Variants in PCDH9 observed in about 807,000 individuals in gnomAD.
PCDH9 encodes the protein protocadherin-9.
Under a neutral mutation model 70.6 loss-of-function variants are expected in PCDH9, and 24 were observed. That is an observed-to-expected ratio of 0.34 (90% CI 0.25 to 0.48). The LOEUF (loss-of-function observed/expected upper bound fraction) is 0.48, where lower values mean the gene tolerates loss of function less well. PCDH9 is among the 20% of genes least tolerant of loss of function. The pLI is 0.99. For missense variants in PCDH9, 1,281 were observed against 1,503.6 expected (o/e 0.85, Z 2.45); for synonymous variants, 562 against 558.5 (o/e 1.01, Z -0.09).
At chr13:66,619,876 C>A (rs2077401982) in intron 4 of PCDH9, among the ~76,000 whole-genome samples, 1 of 152,252 alleles carries the variant, frequency 6.6e-6, no homozygotes. Context: ...GCAGTGATTT[C>A]TTTCTTAACC....
chr13:66,823,518 G>A (rs984469278), intron 3 of PCDH9, among the ~76,000 whole-genome samples: 5 of 151,952 alleles, frequency 3.3e-5, no homozygotes. Context: ...TGAACATGCA[G>A]GCAAAAATAG....
At chr13:66,587,106 G>A (rs966219009) in intron 4 of PCDH9, among the ~76,000 whole-genome samples, 2 of 151,924 alleles carry the variant, frequency 1.3e-5, no homozygotes, top group African/African-American at 4.8e-5. Context: ...GACGAGCCTG[G>A]GCAACATAGT....
At chr13:66,599,935 A>C (rs915588005) in intron 4 of PCDH9, among the ~76,000 whole-genome samples, 6 of 151,834 alleles carry the variant, frequency 4.0e-5, no homozygotes, top group African/African-American at 1.4e-4. Context: ...TCTCATTTTA[A>C]ATGTTTAATA....
intron 4 of PCDH9, among the ~76,000 whole-genome samples, chr13:66,596,409 T>C (rs2077103282): frequency 6.6e-6 from 1 of 151,674 alleles, no homozygotes; most frequent in Non-Finnish European, 1.5e-5. Context: ...GATGATTCCA[T>C]GTAAGCTTGT....
chr13:66,390,733 C>CA (rs34323423), intron 4 of PCDH9, among the ~76,000 whole-genome samples: 72,812 of 137,756 alleles, frequency 0.53, 20,095 homozygotes, highest in East Asian at 0.68. Flanking sequence ...GGAGTCATCT[C>CA]AAAAAAAAAA....
intron 2 of PCDH9, among the ~76,000 whole-genome samples, chr13:67,172,066 C>G (rs914789989): frequency 6.6e-6 from 1 of 152,170 alleles, no homozygotes; most frequent in Non-Finnish European, 1.5e-5. Context: ...CTTATGCAGC[C>G]TAAATCCATG....
At chr13:66,569,806 G>A (rs1223984201) in intron 4 of PCDH9, among the ~76,000 whole-genome samples, 1 of 152,118 alleles carries the variant, frequency 6.6e-6, no homozygotes, top group Non-Finnish European at 1.5e-5. Flanking sequence ...TCACTCATCT[G>A]TTGTATTGGG....
At chr13:66,980,260 C>T (rs1301807439) in intron 2 of PCDH9, among the ~76,000 whole-genome samples, 4 of 151,992 alleles carry the variant, frequency 2.6e-5, no homozygotes, top group Admixed American at 2.0e-4. Flanking sequence ...TCTCCCACAC[C>T]ACCCCCATTC....
In PCDH9 at chr13:66,925,581, T is replaced by C. The variant is rs188982999; in HGVS notation, c.3037-21976A>G. Among the ~76,000 whole-genome samples, 91 of 151,874 alleles carry C rather than the reference T, an allele frequency of 6.0e-4. No homozygotes were observed. The South Asian group carries it at 8.1e-3, about 13-fold the overall frequency. ...ATATGTAGTCTTCACTTTTTATTTC[T>C]TGATCCTCTATTTAAGCTTGTTAAC... On this transcript the variant is annotated intron_variant, in intron 2 of 4. Transcript: ENST00000377865.
chr13:66,990,794 C>T (rs1017193829), intron 2 of PCDH9: 3 of 151,744 alleles, frequency 2.0e-5, no homozygotes, highest in African/African-American at 7.2e-5. Context: ...ATGTAATCAT[C>T]ATCCAGCAGA....
chr13:66,638,396 CTG>C (rs1352567426), intron 3 of PCDH9, among the ~76,000 whole-genome samples: 1 of 152,118 alleles, frequency 6.6e-6, no homozygotes, highest in Non-Finnish European at 1.5e-5. Flanking sequence ...GGCGAAGGGA[CTG>C]TATTCTGAGT....
chr13:67,073,019 G>T (rs1009669055), intron 2 of PCDH9, among the ~76,000 whole-genome samples: 2 of 152,158 alleles, frequency 1.3e-5, no homozygotes, highest in African/African-American at 4.8e-5. Context: ...AAACAGTTTG[G>T]TGCTATACAA....
chr13:67,175,253 T>C (rs2088419021), intron 2 of PCDH9, among the ~76,000 whole-genome samples: 1 of 152,318 alleles, frequency 6.6e-6, no homozygotes, highest in East Asian at 1.9e-4. Flanking sequence ...TGACTAAAAG[T>C]AGTTACTGTC....
chr13:66,336,062 A>G (rs1478664364), intron 4 of PCDH9, among the ~76,000 whole-genome samples: 1 of 152,116 alleles, frequency 6.6e-6, no homozygotes, highest in Non-Finnish European at 1.5e-5. Context: ...TAATGGGTAC[A>G]TAATGGAAAG....
intron 3 of PCDH9, among the ~76,000 whole-genome samples, chr13:66,646,387 C>CTATA (rs1566478949): frequency 6.6e-6 from 1 of 152,108 alleles, no homozygotes; most frequent in African/African-American, 2.4e-5. Flanking sequence ...TTATGACCAG[C>CTATA]TATAGCTAGA....
At chr13:66,953,502 C>CA (rs770281470) in intron 2 of PCDH9, among the ~76,000 whole-genome samples, 2 of 152,036 alleles carry the variant, frequency 1.3e-5, no homozygotes, top group Non-Finnish European at 2.9e-5. Context: ...AAACTTCCTA[C>CA]AAAAAAAGGC....
rs985770533 is a variant in PCDH9, at chr13:66,631,318, T to C, written c.3232A>G (p.Thr1078Ala). The change falls in exon 4 of 5, where the codon ACC (threonine) becomes GCC (alanine). Residue 1078 changes from threonine (T) to alanine (A), a missense_variant. Transcript: ENST00000377865. ...LGDHEPVGSG[T>A]LISHPLPLVQ... The stretch of plus-strand genomic sequence containing the variant: ...AGAGGAAGAGGGTGTGAGATCAGGG[T>C]TCCACTACCCACCGGCTCATGGTCT... 14 of 1,602,778 alleles carry C rather than the reference T, an allele frequency of 8.7e-6. No individual in the cohort carries two copies. Among genetic ancestry groups the C allele is most frequent in the Non-Finnish European group, 1.2e-5 (14 of 1,169,986 alleles).
intron 2 of PCDH9, among the ~76,000 whole-genome samples, chr13:67,011,271 A>G (rs1334401757): frequency 6.6e-6 from 1 of 151,952 alleles, no homozygotes; most frequent in East Asian, 1.9e-4. Flanking sequence ...ATATGTGTCT[A>G]TATCCTGCAT....
intron 3 of PCDH9, among the ~76,000 whole-genome samples, chr13:66,829,717 C>CAAAAAAAAAAAAAAAAAAAAAAAAA (rs562176354): frequency 7.5e-5 from 4 of 53,126 alleles, no homozygotes; most frequent in Admixed American, 3.4e-4. Flanking sequence ...GACTCCGTCT[C>CAAAAAAAAAAAAAAAAAAAAAAAAA]AAAAAAAAAA....
Sources: allele counts gnomAD v4.1 joint callset (sites outside exome capture counted in the v4.1 genomes callset), GRCh38; gene constraint gnomAD v4.1.1; transcripts MANE v1.5; gene names NCBI Gene and HGNC (gene_info 2026-07-23, HGNC 2026-07-21).